Variants in ZNF131 observed in about 807,000 individuals in gnomAD.
ZNF131 encodes the protein zinc finger and BTB domain containing 35, also known as zinc finger protein 131.
ZNF131 carries 7 observed loss-of-function variants against 60.0 expected under a neutral mutation model. The ratio of observed to expected loss-of-function variants is 0.12; its 90% confidence interval spans 0.07 to 0.22. The LOEUF is 0.22. Ranked by LOEUF, ZNF131 falls within the 10% of genes least tolerant of loss-of-function variation. The pLI is 1.00. For missense variants in ZNF131, 493 were observed against 740.9 expected (o/e 0.67, Z 3.88); for synonymous variants, 257 against 253.2 (o/e 1.01, Z -0.14).
At chr5:43,169,716 G>A (rs1475717941) in intron 5 of ZNF131, among the ~76,000 whole-genome samples, 1 of 151,964 alleles carries the variant, frequency 6.6e-6, no homozygotes, top group Non-Finnish European at 1.5e-5. Flanking sequence ...AAGCATACTT[G>A]TACATATGCC....
intron 1 of ZNF131, 105 bp from the exon 2 acceptor site, chr5:43,121,934 C>T (rs983825502): frequency 1.1e-5 from 14 of 1,273,824 alleles, no homozygotes; most frequent in South Asian, 6.4e-5. Context: ...ACCCTCCCCC[C>T]TTCTTTTCAC....
chr5:43,122,295 C>A, intron 2 of ZNF131, 118 bp downstream of exon 2: 1 of 1,233,162 alleles, frequency 8.1e-7, no homozygotes, highest in Non-Finnish European at 1.1e-6. Flanking sequence ...GTCTCCCTAC[C>A]AAAGTCTGCA....
chr5:43,132,967 C>A (rs763886831), intron 3 of ZNF131, among the ~76,000 whole-genome samples: 1 of 152,086 alleles, frequency 6.6e-6, no homozygotes, highest in Non-Finnish European at 1.5e-5. Flanking sequence ...CTATTGTGTG[C>A]GGTTTGGACT....
intron 4 of ZNF131, among the ~76,000 whole-genome samples, chr5:43,152,297 C>G (rs1010502958): frequency 6.6e-6 from 1 of 152,168 alleles, no homozygotes; most frequent in African/African-American, 2.4e-5. Flanking sequence ...GCCACCACTC[C>G]CAGCCGAGTC....
At chr5:43,128,053 C>T (rs577595960) in intron 3 of ZNF131, among the ~76,000 whole-genome samples, 43 of 152,284 alleles carry the variant, frequency 2.8e-4, no homozygotes, top group African/African-American at 1.0e-3. Context: ...TAGAGTAATG[C>T]CACAATGCTG....
chr5:43,130,413 AAG>A (rs1745190479), intron 3 of ZNF131, among the ~76,000 whole-genome samples: 1 of 152,166 alleles, frequency 6.6e-6, no homozygotes, highest in Admixed American at 6.5e-5. Context: ...ATATAAAAGT[AAG>A]AGCAGATTCA....
chr5:43,173,583 T>C, intron 6 of ZNF131, 135 bp downstream of exon 6: 1 of 1,170,358 alleles, frequency 8.5e-7, no homozygotes, highest in Non-Finnish European at 1.1e-6. Flanking sequence ...TAAAGAACAT[T>C]ATTGTCTTGG....
At chr5:43,171,807 T>A (rs1027954839) in intron 5 of ZNF131, among the ~76,000 whole-genome samples, 2 of 151,780 alleles carry the variant, frequency 1.3e-5, no homozygotes, top group Non-Finnish European at 2.9e-5. Context: ...TTTGGTAGAG[T>A]CGGAGATTCG....
intron 4 of ZNF131, among the ~76,000 whole-genome samples, chr5:43,153,996 A>AC (rs1408593395): frequency 6.6e-6 from 1 of 152,234 alleles, no homozygotes; most frequent in Non-Finnish European, 1.5e-5. Context: ...ATAAAGCTGA[A>AC]CCATTATCAG....
intron 5 of ZNF131, among the ~76,000 whole-genome samples, chr5:43,163,352 T>C (rs1020435051): frequency 7.9e-5 from 12 of 152,200 alleles, no homozygotes; most frequent in Non-Finnish European, 1.3e-4. Context: ...TATGTTCATC[T>C]CTCTCCACCT....
At chr5:43,149,268 A>T (rs1748004215) in intron 4 of ZNF131, among the ~76,000 whole-genome samples, 2 of 152,124 alleles carry the variant, frequency 1.3e-5, no homozygotes, top group South Asian at 4.1e-4. Flanking sequence ...GAGAAAAAAA[A>T]AAAAGGCTGG....
intron 3 of ZNF131, among the ~76,000 whole-genome samples, chr5:43,135,644 T>C (rs1745986870): frequency 6.6e-6 from 1 of 151,908 alleles, no homozygotes; most frequent in African/African-American, 2.4e-5. Context: ...TCCCAGCTAT[T>C]CGGGAGGCTG....
At chr5:43,121,909 C>G in intron 1 of ZNF131, 130 bp from the exon 2 acceptor site, 1 of 1,044,802 alleles carries the variant, frequency 9.6e-7, no homozygotes, top group Non-Finnish European at 1.3e-6. Context: ...CCTCGCCTTT[C>G]TCTCCTCTTG....
Position 43,161,548 on chromosome 5 carries a change from G to A in ZNF131, c.671G>A (p.Gly224Asp). 1 of 1,614,268 alleles carries A rather than the reference G, an allele frequency of 6.2e-7. No individual in the cohort carries two copies. The highest frequency in any genetic ancestry group is 8.5e-7 in the Non-Finnish European group (1 of 1,180,046). The change falls in exon 5 of 7, where the codon GGT becomes GAT. Residue 224 changes from glycine (G) to aspartate (D), a missense_variant. Coordinates refer to ENST00000682664, the MANE Select transcript of ZNF131 (RefSeq NM_001330707.2). Reference sequence around the variant, plus strand: ...GATATTACCAGCAAGTACCGTCAAGGTGACAGAAAAGGGCAGATTAAAGAA... The same window carrying A: ...GATATTACCAGCAAGTACCGTCAAGATGACAGAAAAGGGCAGATTAAAGAA... Reference protein sequence around the residue: ...LADITSKYRQGDRKGQIKEDG... With the variant: ...LADITSKYRQDDRKGQIKEDG...
chr5:43,122,406 T>G (rs1361912447), intron 2 of ZNF131, among the ~76,000 whole-genome samples: 1 of 152,208 alleles, frequency 6.6e-6, no homozygotes, highest in Non-Finnish European at 1.5e-5. Flanking sequence ...TAGTCTGGTG[T>G]TCATCTCATT....
intron 4 of ZNF131, among the ~76,000 whole-genome samples, chr5:43,143,025 G>A (rs1747060231): frequency 6.7e-6 from 1 of 148,602 alleles, no homozygotes; most frequent in Admixed American, 6.7e-5. Context: ...AATCTTTCAA[G>A]CTTTTTTTTT....
rs1401029472 is a variant in ZNF131 at position 43,172,134 on chromosome 5, C to T, written c.1055-1184C>T. On this transcript the variant is annotated intron_variant, in intron 5 of 6. Coordinates refer to ENST00000682664, the MANE Select transcript of ZNF131 (RefSeq NM_001330707.2). ...CTCTTGCCCCATGGCAGTGGGCCTT[C>T]TGATCCAATTACATCACTGGTTAAA... Among the ~76,000 whole-genome samples, 5 of 152,246 alleles carry T rather than the reference C, an allele frequency of 3.3e-5. No homozygotes were observed. In the East Asian group the frequency reaches 9.6e-4, roughly 29 times the overall value.
At chr5:43,131,238 T>C (rs935312584) in intron 3 of ZNF131, among the ~76,000 whole-genome samples, 1 of 151,794 alleles carries the variant, frequency 6.6e-6, no homozygotes, top group African/African-American at 2.4e-5. Flanking sequence ...AAAGGTGCAA[T>C]CTCGGCTCAC....
At position 43,139,244 on chromosome 5, in the gene ZNF131, C is replaced by G. The variant is rs1199815686; in HGVS notation, c.306C>G (p.Ala102=). 1 of 1,612,346 alleles carries G rather than the reference C, an allele frequency of 6.2e-7. No homozygotes were observed. Among genetic ancestry groups the G allele is most frequent in the African/African-American group, 1.3e-5 (1 of 74,760 alleles). ...TAATGATACAAGGAGAAGAAGAAGC[C>G]AATGATGTATGGAAAGCAGCAGAGT... ...AKLMIQGEEE[A]NDVWKAAEFL... Residue 102 remains alanine, a synonymous_variant, in exon 4 of 7, where the codon GCC becomes GCG. Coordinates refer to ENST00000682664, the MANE Select transcript of ZNF131 (RefSeq NM_001330707.2).
Sources: gnomAD v4.1 joint callset for allele counts (sites outside exome capture counted in the v4.1 genomes callset) on GRCh38, gnomAD v4.1.1 for gene constraint, MANE v1.5 for transcripts, NCBI Gene and HGNC (gene_info 2026-07-23, HGNC 2026-07-21) for gene names.